The following DCDC1 variants were observed in gnomAD, a reference collection of about 807,000 sequenced individuals.
DCDC1 encodes the protein doublecortin domain-containing protein 1.
DCDC1 carries 200 observed loss-of-function variants against 178.3 expected under a neutral mutation model. The observed-to-expected ratio is 1.12, with a 90% CI of 1.00 to 1.26. The LOEUF (loss-of-function observed/expected upper bound fraction) is 1.26, where lower values mean the gene tolerates loss of function less well. Among genes scored for constraint, DCDC1 ranks in the 50% most tolerant of loss-of-function variants. The pLI, the probability that DCDC1 is intolerant of heterozygous loss-of-function variation, is 0.00. For synonymous variants in DCDC1, 690 were observed against 604.8 expected, an observed-to-expected ratio of 1.14 and a Z score of -2.07; for missense variants, 1,983 against 1,749.2, an observed-to-expected ratio of 1.13 and a Z score of -2.38.
chr11:31,213,894 T>C (rs1052705844), intron 9 of DCDC1, among the ~76,000 whole-genome samples: 4 of 152,086 alleles, frequency 2.6e-5, no homozygotes, highest in African/African-American at 9.7e-5. Context: ...ATTTATATTG[T>C]TGAGTGTGTA....
chr11:30,905,384 G>C (rs1944987828), intron 30 of DCDC1, among the ~76,000 whole-genome samples: 2 of 152,160 alleles, frequency 1.3e-5, no homozygotes, highest in South Asian at 4.1e-4. Flanking sequence ...AGGTGACTTT[G>C]GGCATCTGGC....
chr11:31,149,490 CCCAGCCAGCA>C (rs554219504), intron 9 of DCDC1, among the ~76,000 whole-genome samples: 326 of 151,854 alleles, frequency 2.1e-3, no homozygotes, highest in African/African-American at 7.4e-3. Context: ...AGCTGGCCAC[CCCAGCCAGCA>C]GCAGCAACCC....
chr11:31,232,056 C>T (rs1258158383), intron 9 of DCDC1, among the ~76,000 whole-genome samples: 2 of 152,150 alleles, frequency 1.3e-5, no homozygotes, highest in Non-Finnish European at 2.9e-5. Flanking sequence ...CTTAGTCTTA[C>T]ATTCAAAATA....
Position 30,913,815 on chromosome 11 carries a change from G to A in DCDC1, c.3653+1696C>T, listed in dbSNP as rs556774156. Among the ~76,000 whole-genome samples the A allele has an allele frequency of 1.8e-4, 27 of 152,290 alleles. No homozygotes were observed. In the South Asian group the frequency reaches 4.1e-3, roughly 23 times the overall value. ...TCTCTTCCAATGACCAAGTATTCCT[G>A]GGTCAAACTCATTATGCAATGGCTT... On this transcript the variant is annotated intron_variant, in intron 27 of 38. Transcript: ENST00000684477.
chr11:31,193,624 A>C (rs1970367193), intron 9 of DCDC1, among the ~76,000 whole-genome samples: 1 of 152,030 alleles, frequency 6.6e-6, no homozygotes, highest in African/African-American at 2.4e-5. Flanking sequence ...TGACTCCTTT[A>C]CCTTGGAAAA....
chr11:31,101,366 GA>G (rs35971748), intron 15 of DCDC1, among the ~76,000 whole-genome samples: 106,169 of 150,028 alleles, frequency 0.71, 38,264 homozygotes, highest in East Asian at 0.96. Context: ...GAGCTGGAGG[GA>G]AAAAAAAAAA....
chr11:31,158,509 C>T (rs1965975519), intron 9 of DCDC1, among the ~76,000 whole-genome samples: 2 of 152,138 alleles, frequency 1.3e-5, no homozygotes, highest in Non-Finnish European at 2.9e-5. Flanking sequence ...ATTATTTATC[C>T]AAAATCTCCT....
At chr11:31,350,935 T>C (rs1464540123) in intron 1 of DCDC1, among the ~76,000 whole-genome samples, 1 of 142,614 alleles carries the variant, frequency 7.0e-6, no homozygotes, top group East Asian at 2.1e-4. Context: ...AAATACATTT[T>C]TTAATTTATG....
chr11:31,044,477 CAAAA>C (rs34317259), intron 20 of DCDC1, among the ~76,000 whole-genome samples: 4 of 96,912 alleles, frequency 4.1e-5, no homozygotes, highest in Non-Finnish European at 4.3e-5. Context: ...TACTCCATCT[CAAAA>C]AAAAAAAAAA....
intron 32 of DCDC1, 47 bp downstream of exon 32, chr11:30,903,435 G>T: frequency 1.4e-6 from 2 of 1,437,468 alleles, no homozygotes; most frequent in South Asian, 1.6e-5. Flanking sequence ...ACGTTTTCAT[G>T]ATCAAGCATA....
At chr11:31,262,819 A>T (rs1411501213) in intron 8 of DCDC1, 1 of 403,798 alleles carries the variant, frequency 2.5e-6, no homozygotes, top group African/African-American at 2.0e-5. Flanking sequence ...CTAGGGTGCT[A>T]CAGACTGGAA....
At chr11:31,338,549 T>C (rs2133191818) in intron 1 of DCDC1, among the ~76,000 whole-genome samples, 1 of 152,340 alleles carries the variant, frequency 6.6e-6, no homozygotes, top group East Asian at 1.9e-4. Flanking sequence ...CACTAGAATC[T>C]CTTCCCTTTT....
chr11:31,302,080 GGAGA>G (rs1370112636), intron 6 of DCDC1, among the ~76,000 whole-genome samples: 9 of 152,272 alleles, frequency 5.9e-5, no homozygotes, highest in Admixed American at 5.9e-4. Flanking sequence ...AGGATATACA[GGAGA>G]GAGTAGAAAT....
rs11407483 is a variant in DCDC1 at position 31,310,308 on chromosome 11, A to ATTTTTTTTTTTTTT, written c.165-2414_165-2401dup. ...GAGGACAGGTTTTCAGTAATTCTTGATTTTTTTTTTTTTTTTTTTTTTTTT... is the reference window on the plus strand; with the variant it reads ...GAGGACAGGTTTTCAGTAATTCTTGATTTTTTTTTTTTTTTTTTTTTTTTTTTTTTTTTTTTTTT... On this transcript the variant is annotated intron_variant, in intron 3 of 38. Transcript: ENST00000684477. 3.9e-4 allele frequency among the ~76,000 whole-genome samples: 21 copies of ATTTTTTTTTTTTTT among 53,878 alleles called. 3 individuals carry two copies. The highest frequency in any genetic ancestry group is 1.5e-3 in the African/African-American group (18 of 11,726). The allele number at this position is 53,878 out of a possible 152,430, so 35.3% of individuals were successfully genotyped here.
chr11:31,359,828 T>C (rs1951616102), intron 1 of DCDC1, among the ~76,000 whole-genome samples: 1 of 152,178 alleles, frequency 6.6e-6, no homozygotes, highest in Middle Eastern at 3.2e-3. Flanking sequence ...ATTTTAGTCA[T>C]TTAATAGAAG....
At position 31,091,084 on chromosome 11, in the gene DCDC1, A is replaced by C. The variant is rs533293971; in HGVS notation, c.2237+309T>G. On this transcript the variant is annotated intron_variant, in intron 17 of 38. Transcript: ENST00000684477. ...TATACACAAAAATTTAAGTTTGTTAATTAACAATCAAAATGGATATAAAGA... is the reference window on the plus strand; with the variant it reads ...TATACACAAAAATTTAAGTTTGTTACTTAACAATCAAAATGGATATAAAGA... Among the ~76,000 whole-genome samples the C allele has an allele frequency of 7.2e-4, 110 of 152,336 alleles. 1 individual carries two copies. Among genetic ancestry groups the C allele is most frequent in the Middle Eastern group, 3.4e-3 (1 of 294 alleles).
chr11:30,917,319 A>T (rs1945914281), intron 25 of DCDC1, among the ~76,000 whole-genome samples: 1 of 152,190 alleles, frequency 6.6e-6, no homozygotes, highest in South Asian at 2.1e-4. Context: ...AATCATAAAG[A>T]TTGACTACTC....
At chr11:31,048,780 C>G (rs935828471) in intron 20 of DCDC1, among the ~76,000 whole-genome samples, 1 of 152,112 alleles carries the variant, frequency 6.6e-6, no homozygotes, top group Non-Finnish European at 1.5e-5. Context: ...CGGCGTGAAC[C>G]CGGGAGGCGG....
intron 29 of DCDC1, among the ~76,000 whole-genome samples, chr11:30,907,689 C>T (rs1057368403): frequency 6.6e-6 from 1 of 152,114 alleles, no homozygotes; most frequent in Admixed American, 6.6e-5. Flanking sequence ...CCATCTTTGA[C>T]CATCCAGTCC....
Sources: gnomAD v4.1 joint callset for allele counts (sites outside exome capture counted in the v4.1 genomes callset) on GRCh38, gnomAD v4.1.1 for gene constraint, MANE v1.5 for transcripts, NCBI Gene and HGNC (gene_info 2026-07-23, HGNC 2026-07-21) for gene names.